The following TM9SF1 variants were observed in gnomAD, a reference collection of about 807,000 sequenced individuals.
TM9SF1 encodes MP70 protein family member.
TM9SF1 carries 25 observed loss-of-function variants against 52.4 expected under a neutral mutation model. That is an observed-to-expected ratio of 0.48 (90% CI 0.35 to 0.67). The LOEUF (loss-of-function observed/expected upper bound fraction) is 0.67. Ranked by LOEUF, TM9SF1 falls within the 30% of genes least tolerant of loss-of-function variation. The pLI is 0.01. For missense variants in TM9SF1, 604 were observed against 780.3 expected (o/e 0.77, Z 2.69); for synonymous variants, 284 against 299.8 (o/e 0.95, Z 0.55).
At chr14:24,190,848 T>C (rs2039311141) in intron 4 of TM9SF1, among the ~76,000 whole-genome samples, 195 bp from the exon 5 acceptor site, 1 of 135,998 alleles carries the variant, frequency 7.4e-6, no homozygotes. Context: ...TTCTTTGTTC[T>C]GTGTTTTTTT....
intron 1 of TM9SF1, 21 bp from the exon 2 acceptor site, chr14:24,195,057 G>A (rs768405709): frequency 5.7e-6 from 9 of 1,573,888 alleles, no homozygotes; most frequent in Admixed American, 3.4e-5. Flanking sequence ...GAATCCTGAG[G>A]TTATAGAAAC....
At chr14:24,193,407 C>T in intron 2 of TM9SF1, 138 bp from the exon 3 acceptor site, 1 of 1,019,780 alleles carries the variant, frequency 9.8e-7, no homozygotes, top group Non-Finnish European at 1.4e-6. Flanking sequence ...TGCTCTGTCA[C>T]CCAGGCTGGA....
At chr14:24,193,332 GT>G in intron 2 of TM9SF1, 63 bp from the exon 3 acceptor site, 5 of 1,511,610 alleles carry the variant, frequency 3.3e-6, no homozygotes, top group Non-Finnish European at 4.4e-6. Flanking sequence ...TTACAGCAAA[GT>G]TTCTCACCTT....
rs755012746 is a variant in TM9SF1, at chr14:24,192,945, C to T, written c.670G>A (p.Asp224Asn). ...AGTGTTCGAGGAAAGAAACCACCAT[C>T]GTCACCACGGCGCCTGTCACTCCGA... ...ERRSDRRRGD[D>N]GGFFPRTLEI... Residue 224 changes from aspartate to asparagine, a missense_variant, in exon 3 of 6, where the codon GAT (aspartate) becomes AAT (asparagine). By Grantham distance (23) the Asp-to-Asn change is conservative. This residue lies in a region of TM9SF1 where 450 missense variants were observed against 560.1 expected (regional missense o/e 0.80). Transcript: ENST00000261789. This position sits in a 1 kb window ranked among gnomAD's most constrained non-coding sequence, Gnocchi z 4.0. 6 of 1,614,098 alleles carry T rather than the reference C, an allele frequency of 3.7e-6. No individual in the cohort carries two copies. Among genetic ancestry groups the T allele is most frequent in the East Asian group, 2.2e-5 (1 of 44,882 alleles).
chr14:24,194,608 A>G, intron 2 of TM9SF1, 67 bp downstream of exon 2: 3 of 1,424,982 alleles, frequency 2.1e-6, no homozygotes, highest in Non-Finnish European at 1.9e-6. Flanking sequence ...ACCCTGAACC[A>G]TAAATGTAAG....
At chr14:24,191,889 C>T (rs985498325) in intron 4 of TM9SF1, 1 of 361,492 alleles carries the variant, frequency 2.8e-6, no homozygotes, top group Non-Finnish European at 5.3e-6. Context: ...CTCACTGTAG[C>T]CTCAACCTCC....
At chr14:24,189,858 G>A (rs947114963) in intron 5 of TM9SF1, 50 bp from the exon 6 acceptor site, 2 of 1,526,524 alleles carry the variant, frequency 1.3e-6, no homozygotes, top group Non-Finnish European at 1.8e-6. Flanking sequence ...TGCACCATCA[G>A]CACAGTGGCT....
rs2039385296 is a variant in TM9SF1, at chr14:24,195,430, C to T, written c.-102G>A. On this transcript the variant is annotated 5_prime_UTR_variant, in exon 1 of 6. It adds an upstream start codon to the 5' untranslated region. Coordinates refer to ENST00000261789, the MANE Select transcript of TM9SF1 (RefSeq NM_006405.7). ...TGGGCTCCTGCTGGGGTCTCTCCCA[C>T]AGCGGCGCGGTAGCGGCGGGTTGGA... 5.3e-6 allele frequency: 1 copy of T among 189,684 alleles called. No individual in the cohort carries two copies. The highest frequency in any genetic ancestry group is 1.4e-4 in the East Asian group (1 of 7,020). 11.8% of individuals were successfully genotyped at this position (189,684 alleles called of 1,614,324 possible). A position where few individuals can be genotyped will look rare whatever the true frequency, so the allele number is the denominator to read the frequency against.
At chr14:24,194,569 G>C in intron 2 of TM9SF1, 106 bp downstream of exon 2, 1 of 1,103,384 alleles carries the variant, frequency 9.1e-7, no homozygotes, top group Non-Finnish European at 1.3e-6. Context: ...ATTGTAGTTA[G>C]AATCAAATCA....
At chr14:24,190,714 C>G (rs1486326637) in intron 4 of TM9SF1, 61 bp from the exon 5 acceptor site, 3 of 1,475,130 alleles carry the variant, frequency 2.0e-6, no homozygotes, top group Non-Finnish European at 2.7e-6. Flanking sequence ...TAAGGGCACC[C>G]ACTTACATCC....
chr14:24,192,420 G>A lies in TM9SF1; in HGVS notation c.968-64C>T, dbSNP rs2039335379. ...CTGTGTCTCTTCTAGCAATTTCAGA[G>A]GAATCAGCCCCCCTTCTCCCAGACC... On this transcript the variant is annotated intron_variant, in intron 3 of 5. Transcript: ENST00000261789. This position sits in a 1 kb window ranked among gnomAD's most constrained non-coding sequence, Gnocchi z 4.0. 1.3e-6 allele frequency: 2 copies of A among 1,548,726 alleles called. No homozygotes were observed. The highest frequency in any genetic ancestry group is 8.8e-7 in the Non-Finnish European group (1 of 1,137,316).
At chr14:24,190,712 C>G (rs1317688614) in intron 4 of TM9SF1, 59 bp from the exon 5 acceptor site, 1 of 1,490,620 alleles carries the variant, frequency 6.7e-7, no homozygotes, top group Non-Finnish European at 9.0e-7. Flanking sequence ...TCTAAGGGCA[C>G]CCACTTACAT....
Position 24,189,225 on chromosome 14 carries a change from C to T in TM9SF1, c.*190G>A. 1 of 560,426 alleles carries T rather than the reference C, an allele frequency of 1.8e-6. No homozygotes were observed. The highest frequency in any genetic ancestry group is 3.0e-6 in the Non-Finnish European group (1 of 335,790). 34.7% of individuals were successfully genotyped at this position (560,426 alleles called of 1,614,324 possible). On this transcript the variant is annotated 3_prime_UTR_variant, in exon 6 of 6. Coordinates refer to ENST00000261789, the MANE Select transcript of TM9SF1 (RefSeq NM_006405.7). ...AAAACTAAAGGCAACTTAAAAAGTT[C>T]AAATATATAATCCTTATGTGATAGA... is the stretch of plus-strand genomic sequence containing the variant.
rs931839912 is a variant in TM9SF1 at position 24,190,515 on chromosome 14, C to T, written c.1292G>A (p.Gly431Asp). ...LVGFPLTVIGGIFGKNNASPF... is the reference protein window; with the variant it reads ...LVGFPLTVIGDIFGKNNASPF... ...GCTGGCGTTGTTCTTCCCAAAGATG[C>T]CTCCAATGACAGTGAGGGGAAAGCC... is the stretch of plus-strand genomic sequence containing the variant. Residue 431 changes from glycine to aspartate, a missense_variant, in exon 5 of 6, where the codon GGC becomes GAC. Gly to Asp is a moderately conservative substitution (Grantham distance 94). Transcript: ENST00000261789. 20 of 1,614,132 alleles carry T rather than the reference C, an allele frequency of 1.2e-5. No homozygotes were observed. The highest frequency in any genetic ancestry group is 1.5e-5 in the Non-Finnish European group (18 of 1,180,036).
At chr14:24,190,258 T>A (rs1013302923) in intron 5 of TM9SF1, 122 bp downstream of exon 5, 10 of 1,505,954 alleles carry the variant, frequency 6.6e-6, no homozygotes, top group Non-Finnish European at 8.9e-6. Context: ...CATTTAATGA[T>A]CTCTGAATGG....
intron 1 of TM9SF1, 148 bp from the exon 2 acceptor site, chr14:24,195,184 C>A (rs2234104): frequency 0.051 from 31,168 of 611,262 alleles, 1,641 homozygotes; most frequent in Admixed American, 0.21. Flanking sequence ...ATCCCAAAGA[C>A]CCCGCTCCAC....
chr14:24,192,545 GC>G lies in TM9SF1; in HGVS notation c.967+102del. 1 of 1,448,944 alleles carries G rather than the reference GC, an allele frequency of 6.9e-7. No individual in the cohort carries two copies. The highest frequency in any genetic ancestry group is 9.3e-7 in the Non-Finnish European group (1 of 1,076,544). The allele number at this position is 1,448,944 out of a possible 1,614,324, so 89.8% of individuals were successfully genotyped here. A position where few individuals can be genotyped will look rare whatever the true frequency, so the allele number is the denominator to read the frequency against. On this transcript the variant is annotated intron_variant, in intron 3 of 5. Transcript: ENST00000261789. This position sits in a 1 kb window ranked among gnomAD's most constrained non-coding sequence, Gnocchi z 4.0. ...TAGAGCCACCCTATCCCTTAGGTCT[GC>G]CCCTCTGGATAGAAGAGAAGATCCA...
intron 1 of TM9SF1, 72 bp from the exon 2 acceptor site, chr14:24,195,108 G>A (rs1049171247): frequency 3.7e-6 from 4 of 1,077,158 alleles, no homozygotes; most frequent in South Asian, 1.5e-5. Flanking sequence ...GCCTCGAACT[G>A]AGGTCCCCTG....
In TM9SF1 at chr14:24,189,445, C is replaced by A. The variant is rs756345458; in HGVS notation, c.1791G>T (p.Arg597=). The A allele has an allele frequency of 6.2e-7, 1 of 1,613,888 alleles. No homozygotes were observed. The highest frequency in any genetic ancestry group is 8.5e-7 in the Non-Finnish European group (1 of 1,179,956). The change falls in exon 6 of 6, where the codon CGG becomes CGT. Residue 597 remains arginine, a synonymous_variant. Transcript: ENST00000261789. ...CCATCTTGAGGTTAACATAGATATA[C>A]CGGATGAACTTTAGGGAAGAAAAAA... is the stretch of plus-strand genomic sequence containing the variant. ...ISFFSSLKFI[R]YIYVNLKMD
Sources: gnomAD v4.1 joint callset for allele counts (sites outside exome capture counted in the v4.1 genomes callset) on GRCh38, gnomAD v4.1.1 for gene constraint, gnomAD v4.1.1 regional missense constraint, Gnocchi (gnomAD v3.1) non-coding constraint, MANE v1.5 for transcripts, NCBI Gene and HGNC (gene_info 2026-07-23, HGNC 2026-07-21) for gene names.